CNTNAP2: variants seen among roughly 807,000 people sequenced by gnomAD.
CNTNAP2 encodes contactin associated protein 2, also known as contactin-associated protein-like 2.
Under a neutral mutation model 155.2 loss-of-function variants are expected in CNTNAP2, and 98 were observed. That is an observed-to-expected ratio of 0.63 (90% confidence interval 0.54 to 0.75). CNTNAP2 has a LOEUF of 0.75. Among genes scored for constraint, CNTNAP2 ranks in the 30% least tolerant of loss-of-function variants. CNTNAP2 has a pLI of 0.00. For missense variants in CNTNAP2, 1,727 were observed against 1,688.1 expected, an observed-to-expected ratio of 1.02 and a Z score of -0.40; for synonymous variants, 651 against 631.2, an observed-to-expected ratio of 1.03 and a Z score of -0.47.
At chr7:146,331,112 G>C (rs1186127623) in intron 1 of CNTNAP2, among the ~76,000 whole-genome samples, 1 of 151,810 alleles carries the variant, frequency 6.6e-6, no homozygotes, top group African/African-American at 2.4e-5. Flanking sequence ...AGACCATCCT[G>C]GCTAACACGG....
At chr7:146,317,479 G>C (rs1168403755) in intron 1 of CNTNAP2, among the ~76,000 whole-genome samples, 1 of 152,034 alleles carries the variant, frequency 6.6e-6, no homozygotes, top group Non-Finnish European at 1.5e-5. Context: ...AGTTCTTTCA[G>C]CAGTAGCAAT....
intron 13 of CNTNAP2, among the ~76,000 whole-genome samples, chr7:147,739,049 G>A (rs1024874335): frequency 6.6e-6 from 1 of 151,606 alleles, no homozygotes; most frequent in African/African-American, 2.4e-5. Context: ...CCAAGTGTAC[G>A]ATATCTCCAA....
chr7:146,962,163 A>G (rs1584751389), intron 3 of CNTNAP2, among the ~76,000 whole-genome samples: 1 of 152,262 alleles, frequency 6.6e-6, no homozygotes, highest in Admixed American at 6.5e-5. Context: ...GAGAACAGAG[A>G]CACTGTATGT....
chr7:147,575,511 C>CTGTGTGTGTGTGTG (rs377290787), intron 12 of CNTNAP2, among the ~76,000 whole-genome samples: 2 of 132,672 alleles, frequency 1.5e-5, no homozygotes, highest in Admixed American at 1.5e-4. Flanking sequence ...GGGTATACAA[C>CTGTGTGTGTGTGTG]TGTGTGTGTG....
At chr7:146,373,697 G>A (rs1795268367) in intron 1 of CNTNAP2, among the ~76,000 whole-genome samples, 3 of 152,036 alleles carry the variant, frequency 2.0e-5, no homozygotes, top group Admixed American at 2.0e-4. Context: ...AAATATAACA[G>A]AGAAAATATT....
intron 8 of CNTNAP2, among the ~76,000 whole-genome samples, chr7:147,224,835 A>T (rs1803485163): frequency 1.3e-5 from 2 of 152,190 alleles, no homozygotes. Flanking sequence ...ATCCTCTACA[A>T]TGAAACATAT....
chr7:147,891,495 G>A lies in CNTNAP2; in HGVS notation c.2099-12070G>A, dbSNP rs183986898. ...TGGGATTACAGGCATGAGCCACCAC[G>A]CCCAGCCAACAAATTGATTTTTTGA... On this transcript the variant is annotated intron_variant, in intron 13 of 23. Transcript: ENST00000361727. Among the ~76,000 whole-genome samples, 24 of 152,126 alleles carry A rather than the reference G, an allele frequency of 1.6e-4. No homozygotes were observed. The East Asian group carries it at 2.7e-3, about 17-fold the overall frequency.
intron 14 of CNTNAP2, among the ~76,000 whole-genome samples, chr7:147,966,097 G>C (rs1171153566): frequency 6.6e-6 from 1 of 152,130 alleles, no homozygotes; most frequent in Non-Finnish European, 1.5e-5. Flanking sequence ...TGTGATGTTT[G>C]TAGAGAAAAG....
At chr7:147,114,334 T>A (rs1047374016) in intron 5 of CNTNAP2, among the ~76,000 whole-genome samples, 1 of 152,182 alleles carries the variant, frequency 6.6e-6, no homozygotes, top group Non-Finnish European at 1.5e-5. Context: ...GTCTACTTGA[T>A]CCAAAGCTGA....
At chr7:146,476,508 C>T (rs1034149848) in intron 1 of CNTNAP2, among the ~76,000 whole-genome samples, 3 of 151,910 alleles carry the variant, frequency 2.0e-5, no homozygotes, top group Non-Finnish European at 4.4e-5. Context: ...TAATTATTAT[C>T]ATTATTTTTT....
intron 15 of CNTNAP2, among the ~76,000 whole-genome samples, chr7:147,980,551 G>A (rs1490015998): frequency 1.3e-5 from 2 of 152,014 alleles, no homozygotes; most frequent in Non-Finnish European, 2.9e-5. Flanking sequence ...TGTTTTCCAG[G>A]CAACCGAGAA....
chr7:147,069,694 A>C (rs1799852070), intron 4 of CNTNAP2, among the ~76,000 whole-genome samples: 1 of 152,140 alleles, frequency 6.6e-6, no homozygotes, highest in Non-Finnish European at 1.5e-5. Context: ...CAGTTCCCCA[A>C]ACTCATTAGC....
intron 13 of CNTNAP2, among the ~76,000 whole-genome samples, chr7:147,903,246 A>G (rs141490343): frequency 2.0e-5 from 3 of 152,022 alleles, no homozygotes; most frequent in African/African-American, 7.2e-5. Context: ...GCATTTTTTC[A>G]TATGTTTGTT....
intron 11 of CNTNAP2, among the ~76,000 whole-genome samples, chr7:147,510,078 A>G (rs1339270616): frequency 6.6e-6 from 1 of 152,130 alleles, no homozygotes; most frequent in Non-Finnish European, 1.5e-5. Context: ...TGGAATCTGA[A>G]TTTCACTGGG....
At chr7:147,683,101 A>G (rs1444909691) in intron 13 of CNTNAP2, among the ~76,000 whole-genome samples, 2 of 151,928 alleles carry the variant, frequency 1.3e-5, no homozygotes, top group Non-Finnish European at 2.9e-5. Context: ...ACAGAATGCT[A>G]TGAAGTATTC....
At chr7:148,099,093 G>C (rs1804037477) in intron 15 of CNTNAP2, among the ~76,000 whole-genome samples, 1 of 152,186 alleles carries the variant, frequency 6.6e-6, no homozygotes, top group South Asian at 2.1e-4. Context: ...TGTGTGGAAA[G>C]AGCACTATTG....
rs773363290 is a variant in CNTNAP2 at position 147,891,321 on chromosome 7, C to T, written c.2099-12244C>T. The stretch of plus-strand genomic sequence containing the variant: ...CCGGGTTCAAGCGATTCTCCTTCCG[C>T]GGCCTCCCGAGTAGCTGGGATTGCA... On this transcript the variant is annotated intron_variant, in intron 13 of 23. Transcript: ENST00000361727. Among the ~76,000 whole-genome samples, 6 of 151,994 alleles carry T rather than the reference C, an allele frequency of 3.9e-5. No individual in the cohort carries two copies. The South Asian group carries it at 6.2e-4, about 16-fold the overall frequency.
At chr7:146,514,912 G>A (rs543162071) in intron 1 of CNTNAP2, among the ~76,000 whole-genome samples, 1 of 152,080 alleles carries the variant, frequency 6.6e-6, no homozygotes, top group East Asian at 1.9e-4. Flanking sequence ...TTAGATTGTG[G>A]CCTTCTTATT....
intron 1 of CNTNAP2, among the ~76,000 whole-genome samples, chr7:146,499,604 C>T (rs1430433946): frequency 6.6e-6 from 1 of 151,934 alleles, no homozygotes; most frequent in Admixed American, 6.6e-5. Context: ...CCCCCCACAC[C>T]CCGAAGGCCC....
Sources: gnomAD v4.1 joint callset for allele counts (sites outside exome capture counted in the v4.1 genomes callset) on GRCh38, gnomAD v4.1.1 for gene constraint, MANE v1.5 for transcripts, NCBI Gene and HGNC (gene_info 2026-07-23, HGNC 2026-07-21) for gene names.